Variants in XIRP2 observed in about 807,000 individuals in gnomAD.
XIRP2 encodes xin actin binding repeat containing 2, also known as xin actin-binding repeat-containing protein 2.
XIRP2 carries 236 observed loss-of-function variants against 277.0 expected under a neutral mutation model. The observed-to-expected ratio is 0.85, with a 90% CI of 0.77 to 0.95. The LOEUF (loss-of-function observed/expected upper bound fraction) is 0.95. Among genes scored for constraint, XIRP2 ranks in the 40% least tolerant of loss-of-function variants. The pLI is 0.00. For missense variants in XIRP2, 4,640 were observed against 4,157.5 expected, an observed-to-expected ratio of 1.12 and a Z score of -3.19; for synonymous variants, 1,490 against 1,416.5, an observed-to-expected ratio of 1.05 and a Z score of -1.17.
chr2:166,994,654 T>C (rs1687159098), intron 2 of XIRP2, among the ~76,000 whole-genome samples: 1 of 150,078 alleles, frequency 6.7e-6, no homozygotes, highest in African/African-American at 2.4e-5. Context: ...TGCAGTGTAA[T>C]GTCAAAAATT....
intron 2 of XIRP2, among the ~76,000 whole-genome samples, chr2:167,010,557 T>A (rs1394243292): frequency 1.3e-5 from 2 of 152,130 alleles, no homozygotes; most frequent in Non-Finnish European, 2.9e-5. Context: ...ATGCGGGCTC[T>A]TTTTTGGTTC....
intron 5 of XIRP2, among the ~76,000 whole-genome samples, 171 bp downstream of exon 5, chr2:167,218,471 T>C (rs998005504): frequency 5.9e-5 from 9 of 152,242 alleles, no homozygotes; most frequent in Non-Finnish European, 1.2e-4. Flanking sequence ...ATATATGTAT[T>C]TATTTACTTA....
intron 2 of XIRP2, among the ~76,000 whole-genome samples, chr2:166,978,007 T>G (rs1686760631): frequency 6.6e-6 from 1 of 152,186 alleles, no homozygotes; most frequent in South Asian, 2.1e-4. Flanking sequence ...AATTTATAAT[T>G]CAAGTCTAAT....
intron 1 of XIRP2, among the ~76,000 whole-genome samples, chr2:166,899,174 T>C (rs890766792): frequency 6.6e-6 from 1 of 152,158 alleles, no homozygotes; most frequent in Non-Finnish European, 1.5e-5. Flanking sequence ...ATCTCAAGTA[T>C]GATGGATTTT....
At chr2:166,921,587 A>G (rs1685041886) in intron 2 of XIRP2, among the ~76,000 whole-genome samples, 1 of 152,136 alleles carries the variant, frequency 6.6e-6, no homozygotes. Flanking sequence ...CACTTGAATT[A>G]TAAAGGAAAA....
intron 10 of XIRP2, among the ~76,000 whole-genome samples, chr2:167,254,408 A>C (rs1164694218): frequency 6.6e-6 from 1 of 151,980 alleles, no homozygotes; most frequent in East Asian, 1.9e-4. Flanking sequence ...CACACAGATG[A>C]GTAAAATTAA....
chr2:166,955,450 A>T (rs1271587362), intron 2 of XIRP2, among the ~76,000 whole-genome samples: 1 of 151,746 alleles, frequency 6.6e-6, no homozygotes, highest in African/African-American at 2.4e-5. Flanking sequence ...GTAAATAAAT[A>T]TGAAGGATTG....
At chr2:167,179,917 G>C (rs746274380) in intron 3 of XIRP2, among the ~76,000 whole-genome samples, 2 of 152,070 alleles carry the variant, frequency 1.3e-5, no homozygotes, top group Non-Finnish European at 2.9e-5. Context: ...CAAAGTACTG[G>C]ATTACAGGCA....
intron 2 of XIRP2, among the ~76,000 whole-genome samples, chr2:166,940,032 T>C (rs538255778): frequency 3.9e-4 from 59 of 152,326 alleles, no homozygotes; most frequent in African/African-American, 1.4e-3. Context: ...GATAATATCC[T>C]GCAGAGTGTT....
At chr2:166,955,636 C>T (rs1275799864) in intron 2 of XIRP2, among the ~76,000 whole-genome samples, 4 of 151,662 alleles carry the variant, frequency 2.6e-5, no homozygotes, top group African/African-American at 9.7e-5. Flanking sequence ...GAATAGTTGC[C>T]GTTTTAAAAT....
At chr2:167,089,619 TGTG>T (rs1381612869) in intron 2 of XIRP2, among the ~76,000 whole-genome samples, 2 of 152,048 alleles carry the variant, frequency 1.3e-5, no homozygotes, top group Admixed American at 1.3e-4. Context: ...CTTAAGTAAA[TGTG>T]TGTGGGGGGG....
At chr2:167,158,222 G>A (rs1393765454) in intron 3 of XIRP2, among the ~76,000 whole-genome samples, 1 of 152,054 alleles carries the variant, frequency 6.6e-6, no homozygotes, top group Non-Finnish European at 1.5e-5. Flanking sequence ...AGACTATATG[G>A]TTTTATACAT....
rs1161584003 is a variant in XIRP2 at position 167,246,038 on chromosome 2, G to T, written c.4646G>T (p.Gly1549Val). Residue 1549 changes from glycine to valine, a missense_variant, in exon 9 of 11, where the codon GGC (glycine) becomes GTC (valine). Gly to Val is a moderately radical substitution (Grantham distance 109). Transcript: ENST00000409195. ...AGAGTAGAAAAGATAGAAATTATTG[G>T]CAAGAGCATTAAAGAAACCTTAGAA... ...ETRVEKIEII[G>V]KSIKETLEDL... 6.2e-7 allele frequency: 1 copy of T among 1,613,266 alleles called. No individual in the cohort carries two copies. The highest frequency in any genetic ancestry group is 1.3e-5 in the African/African-American group (1 of 74,830).
chr2:167,001,975 A>G lies in XIRP2; in HGVS notation c.408+98085A>G, dbSNP rs78803784. ...TCTTTAATTCTGAAAACTTATTTAA[A>G]ATATTTCACTTTCACTTGAAATAAT... On this transcript the variant is annotated intron_variant, in intron 2 of 10. Transcript: ENST00000409195. 6.1e-3 allele frequency among the ~76,000 whole-genome samples: 933 copies of G among 152,248 alleles called. 75 individuals carry two copies. The East Asian group carries it at 0.16, about 26-fold the overall frequency.
At chr2:167,137,392 C>A (rs1478602137) in intron 3 of XIRP2, among the ~76,000 whole-genome samples, 1 of 152,088 alleles carries the variant, frequency 6.6e-6, no homozygotes, top group Non-Finnish European at 1.5e-5. Context: ...GTGCACTTGG[C>A]TGAATGCAAA....
At chr2:167,254,572 T>C (rs530945440) in intron 10 of XIRP2, among the ~76,000 whole-genome samples, 2 of 152,006 alleles carry the variant, frequency 1.3e-5, no homozygotes, top group Admixed American at 6.6e-5. Flanking sequence ...TCAATTTCTA[T>C]TAGAGAGCAA....
At chr2:167,071,482 C>T (rs1297436328) in intron 2 of XIRP2, among the ~76,000 whole-genome samples, 1 of 152,158 alleles carries the variant, frequency 6.6e-6, no homozygotes, top group Non-Finnish European at 1.5e-5. Flanking sequence ...GGTCAGATGC[C>T]TATTTTCCTT....
At chr2:167,210,668 A>C in intron 3 of XIRP2, 67 bp from the exon 4 acceptor site, 1 of 1,572,954 alleles carries the variant, frequency 6.4e-7, no homozygotes, top group Non-Finnish European at 8.7e-7. Flanking sequence ...TTCACCATTT[A>C]TAAGGTGATG....
intron 2 of XIRP2, among the ~76,000 whole-genome samples, chr2:167,012,633 G>A (rs139123116): frequency 8.4e-4 from 127 of 151,354 alleles, no homozygotes; most frequent in African/African-American, 2.5e-3. Context: ...ATGTATTCTC[G>A]TCTCTATTTT....
Sources: allele counts gnomAD v4.1 joint callset (sites outside exome capture counted in the v4.1 genomes callset), GRCh38; gene constraint gnomAD v4.1.1; transcripts MANE v1.5; gene names NCBI Gene and HGNC (gene_info 2026-07-23, HGNC 2026-07-21).